BSPRY: variants seen among roughly 807,000 people sequenced by gnomAD.
BSPRY encodes B box and SPRY domain-containing protein.
Under a neutral mutation model 38.0 loss-of-function variants are expected in BSPRY, and 33 were observed. The ratio of observed to expected loss-of-function variants is 0.87; its 90% CI spans 0.66 to 1.16. BSPRY has a LOEUF of 1.16. Ranked by LOEUF, BSPRY falls within the 50% of genes most tolerant of loss-of-function variation. BSPRY has a pLI of 0.00. For synonymous variants in BSPRY, 224 were observed against 228.5 expected (o/e 0.98, Z 0.18); for missense variants, 523 against 533.2 (o/e 0.98, Z 0.19).
chr9:113,363,547 A>G (rs1834189603), intron 4 of BSPRY, among the ~76,000 whole-genome samples: 1 of 152,166 alleles, frequency 6.6e-6, no homozygotes, highest in African/African-American at 2.4e-5. Context: ...GGACTTATAT[A>G]TAGTCATAGG....
At chr9:113,357,143 G>C (rs1050156066) in intron 2 of BSPRY, among the ~76,000 whole-genome samples, 1 of 152,180 alleles carries the variant, frequency 6.6e-6, no homozygotes, top group Non-Finnish European at 1.5e-5. Flanking sequence ...ACCAGCGAAC[G>C]GGGACCAAGA....
intron 2 of BSPRY, among the ~76,000 whole-genome samples, chr9:113,355,640 G>A (rs1232057020): frequency 6.7e-6 from 1 of 148,428 alleles, no homozygotes; most frequent in East Asian, 2.0e-4. Context: ...TTGAGACAGA[G>A]TTTCACTCTT....
intron 5 of BSPRY, among the ~76,000 whole-genome samples, chr9:113,369,415 A>T (rs10121150): frequency 6.6e-6 from 1 of 152,004 alleles, no homozygotes; most frequent in Non-Finnish European, 1.5e-5. Context: ...GGCACTTTAC[A>T]TGTATGATTC....
intron 4 of BSPRY, among the ~76,000 whole-genome samples, chr9:113,366,446 T>G (rs778360322): frequency 7.9e-5 from 12 of 152,314 alleles, no homozygotes; most frequent in Non-Finnish European, 1.6e-4. Context: ...TTTCCACGCT[T>G]GTAGCTGGGC....
chr9:113,360,190 G>A (rs531814182), intron 2 of BSPRY, among the ~76,000 whole-genome samples: 14 of 152,240 alleles, frequency 9.2e-5, no homozygotes, highest in African/African-American at 3.4e-4. Flanking sequence ...CTTTGACCTT[G>A]TATTCCCAAC....
Position 113,349,632 on chromosome 9 carries a change from C to T in BSPRY, c.53C>T (p.Pro18Leu). Residue 18 changes from proline to leucine, a missense_variant, in exon 1 of 6, where the codon CCG becomes CTG. By Grantham distance (98) the Pro-to-Leu change is moderately conservative. Transcript: ENST00000374183. ...PGPGSGSGPG[P>L]GPLCPEHGQA... ...CCGGGGTCCGGGTCCGGGCCCGGGC[C>T]GGGGCCACTCTGCCCCGAACACGGC... 2.5e-6 allele frequency: 3 copies of T among 1,212,444 alleles called. No homozygotes were observed. Among genetic ancestry groups the T allele is most frequent in the Non-Finnish European group, 3.1e-6 (3 of 974,338 alleles). The allele number at this position is 1,212,444 out of a possible 1,614,324, so 75.1% of individuals were successfully genotyped here.
intron 2 of BSPRY, among the ~76,000 whole-genome samples, chr9:113,354,539 G>A (rs1374159383): frequency 1.3e-5 from 2 of 152,160 alleles, no homozygotes; most frequent in African/African-American, 4.8e-5. Context: ...CAAAGACTCT[G>A]CTAGCAAATG....
Position 113,362,174 on chromosome 9 carries a change from G to GGGGTGT in BSPRY, c.532-194_532-193insGGTGTG, listed in dbSNP as rs1554734197. ...TGATTCATTCTGAGCATGTGTTATG[G>GGGGTGT]GTGTGTGTGTGTGTGTGTGTGTGTG... On this transcript the variant is annotated intron_variant, in intron 3 of 5. Transcript: ENST00000374183. Among the ~76,000 whole-genome samples the GGGGTGT allele has an allele frequency of 3.7e-3, 527 of 141,344 alleles. 2 individuals are homozygous for GGGGTGT. Among genetic ancestry groups the GGGGTGT allele is most frequent in the African/African-American group, 0.013 (479 of 37,746 alleles). The allele number at this position is 141,344 out of a possible 152,430, so 92.7% of individuals were successfully genotyped here.
chr9:113,351,585 T>TG (rs754821030), intron 1 of BSPRY, among the ~76,000 whole-genome samples: 9 of 152,196 alleles, frequency 5.9e-5, no homozygotes, highest in Non-Finnish European at 8.8e-5. Context: ...AAGGGCTTCC[T>TG]GGAAGAGGTA....
intron 1 of BSPRY, among the ~76,000 whole-genome samples, chr9:113,352,577 A>G (rs1313501255): frequency 1.3e-5 from 2 of 152,176 alleles, no homozygotes; most frequent in Non-Finnish European, 2.9e-5. Flanking sequence ...AGGAACAGAA[A>G]GAAGGCCAGC....
At chr9:113,351,947 C>T (rs947982899) in intron 1 of BSPRY, among the ~76,000 whole-genome samples, 5 of 151,974 alleles carry the variant, frequency 3.3e-5, no homozygotes, top group African/African-American at 1.2e-4. Context: ...GTAGCTGGGA[C>T]TACAGGCGCA....
rs548730981 is a variant in BSPRY at position 113,360,688 on chromosome 9, G to T, written c.482G>T (p.Arg161Leu). 1.2e-6 allele frequency: 2 copies of T among 1,604,868 alleles called. No homozygotes were observed. Among genetic ancestry groups the T allele is most frequent in the Non-Finnish European group, 1.7e-6 (2 of 1,176,768 alleles). ...GCGCTGCAGAAACTTGACACCATCCGCACTGGCCTGGTGGGCATGCTTACT... is the reference window on the plus strand; with the variant it reads ...GCGCTGCAGAAACTTGACACCATCCTCACTGGCCTGGTGGGCATGCTTACT... ...AEALQKLDTI[R>L]TGLVGMLTHL... Residue 161 changes from arginine (R) to leucine (L), a missense_variant, in exon 3 of 6, where the codon CGC (arginine) becomes CTC (leucine). Coordinates refer to ENST00000374183, the MANE Select transcript of BSPRY (RefSeq NM_017688.3).
chr9:113,367,785 G>A (rs998065302), intron 4 of BSPRY, among the ~76,000 whole-genome samples: 52 of 151,474 alleles, frequency 3.4e-4, no homozygotes, highest in African/African-American at 1.0e-3. Context: ...AGGGGAAATG[G>A]CCACCTTCCC....
chr9:113,360,499 C>G lies in BSPRY; in HGVS notation c.301-8C>G, dbSNP rs766505291. On this transcript the variant is annotated splice_polypyrimidine_tract_variant and splice_region_variant and intron_variant, in intron 2 of 5. Coordinates refer to ENST00000374183, the MANE Select transcript of BSPRY (RefSeq NM_017688.3). ...GACCACCCAACTCCTCATTTTATCC[C>G]TCATTAGAGCATGGCCAGTGCAGCG... is the stretch of plus-strand genomic sequence containing the variant. The G allele has an allele frequency of 4.4e-6, 7 of 1,583,376 alleles. 1 individual carries two copies. In the South Asian group the frequency reaches 7.0e-5, roughly 16 times the overall value.
At chr9:113,359,813 T>C (rs1193158188) in intron 2 of BSPRY, among the ~76,000 whole-genome samples, 1 of 152,192 alleles carries the variant, frequency 6.6e-6, no homozygotes, top group Non-Finnish European at 1.5e-5. Context: ...GTTGGGCTTA[T>C]TTATTGAGCC....
intron 5 of BSPRY, 70 bp from the exon 6 acceptor site, chr9:113,369,546 T>C (rs1834305524): frequency 9.3e-6 from 14 of 1,501,556 alleles, no homozygotes; most frequent in Admixed American, 2.1e-5. Context: ...TGAGGAACCT[T>C]TTGCTACCTG....
chr9:113,358,331 C>T (rs1347863784), intron 2 of BSPRY, among the ~76,000 whole-genome samples: 4 of 151,708 alleles, frequency 2.6e-5, no homozygotes, highest in Non-Finnish European at 5.9e-5. Context: ...TGCAGTGGTG[C>T]GATCTCAGCT....
intron 2 of BSPRY, among the ~76,000 whole-genome samples, chr9:113,356,419 CACTTGA>C (rs1345825039): frequency 6.6e-6 from 1 of 152,028 alleles, no homozygotes; most frequent in Non-Finnish European, 1.5e-5. Flanking sequence ...GCAGGAGAAT[CACTTGA>C]ACCCGGGAGG....
At position 113,370,928 on chromosome 9, in the gene BSPRY, C is replaced by G. The variant is rs1021676379; in HGVS notation, c.*786C>G. On this transcript the variant is annotated 3_prime_UTR_variant, in exon 6 of 6. Coordinates refer to ENST00000374183, the MANE Select transcript of BSPRY (RefSeq NM_017688.3). The surrounding 1 kb of genome is among the most constrained non-coding windows in gnomAD (Gnocchi z 4.8). Reference sequence around the variant, plus strand: ...TGAAAGGCTGCTCCTGGCCAGAGGACTCTGTCCCGGGGGACCGTGTCCTCC... The same window carrying G: ...TGAAAGGCTGCTCCTGGCCAGAGGAGTCTGTCCCGGGGGACCGTGTCCTCC... The G allele has an allele frequency of 3.3e-5, 5 of 152,234 alleles. No individual in the cohort carries two copies. Among genetic ancestry groups the G allele is most frequent in the African/African-American group, 1.2e-4 (5 of 41,472 alleles). The allele number at this position is 152,234 out of a possible 1,614,324, so 9.4% of individuals were successfully genotyped here.
Sources: gnomAD v4.1 joint callset for allele counts (sites outside exome capture counted in the v4.1 genomes callset) on GRCh38, gnomAD v4.1.1 for gene constraint, Gnocchi (gnomAD v3.1) non-coding constraint, MANE v1.5 for transcripts, NCBI Gene and HGNC (gene_info 2026-07-23, HGNC 2026-07-21) for gene names.